The following WWOX variants were observed in gnomAD, a reference collection of about 807,000 sequenced individuals.
WWOX encodes the protein WW domain containing oxidoreductase, also known as WW domain-containing oxidoreductase.
A neutral mutation model predicts 46.2 loss-of-function variants in WWOX; 69 were observed. The observed-to-expected ratio is 1.49, with a 90% CI of 1.23 to 1.82. The LOEUF (loss-of-function observed/expected upper bound fraction) is 1.82. WWOX is among the 40% of genes most tolerant of loss of function. The probability of loss-of-function intolerance (pLI) is 0.00; values close to 1 mark genes in which losing one functional copy is unlikely to be tolerated. For synonymous variants in WWOX, 359 were observed against 202.6 expected, an observed-to-expected ratio of 1.77 and a Z score of -6.56; for missense variants, 919 against 542.6, an observed-to-expected ratio of 1.69 and a Z score of -6.89.
chr16:78,333,653 C>G (rs1018061225), intron 5 of WWOX, among the ~76,000 whole-genome samples: 7 of 152,000 alleles, frequency 4.6e-5, no homozygotes, highest in Non-Finnish European at 8.8e-5. Flanking sequence ...CATTAAGTCT[C>G]CAGAATACAT....
chr16:78,925,161 C>T (rs1597158371), intron 8 of WWOX, among the ~76,000 whole-genome samples: 1 of 152,168 alleles, frequency 6.6e-6, no homozygotes, highest in Non-Finnish European at 1.5e-5. Flanking sequence ...TGCCACTGCA[C>T]TCCAGACTGC....
rs72806803 is a variant in WWOX at position 78,181,648 on chromosome 16, G to A, written c.516+17359G>A. 1.6e-3 allele frequency among the ~76,000 whole-genome samples: 236 copies of A among 152,148 alleles called. 2 individuals carry two copies. Among genetic ancestry groups the A allele is most frequent in the Non-Finnish European group, 3.1e-3 (211 of 67,976 alleles). ...TTGACGAAATTTTCTAATTGACTGG[G>A]GTTACTTAATACCAGATAATATTTT... On this transcript the variant is annotated intron_variant, in intron 5 of 8. Coordinates refer to ENST00000566780, the MANE Select transcript of WWOX (RefSeq NM_016373.4).
rs1452297714 is a variant in WWOX, at chr16:78,843,600, A to T, written c.1057-368008A>T. On this transcript the variant is annotated intron_variant, in intron 8 of 8. Coordinates refer to ENST00000566780, the MANE Select transcript of WWOX (RefSeq NM_016373.4). The stretch of plus-strand genomic sequence containing the variant: ...AGGGGTCCGGTGTAAAGGAGGAAAT[A>T]AAAATAAAAAAGCATAAATGAATGA... Among the ~76,000 whole-genome samples, 4 of 151,230 alleles carry T rather than the reference A, an allele frequency of 2.6e-5. 1 individual carries two copies. The East Asian group carries it at 7.8e-4, about 29-fold the overall frequency.
chr16:79,189,943 G>T (rs1012462517), intron 8 of WWOX, among the ~76,000 whole-genome samples: 10 of 145,570 alleles, frequency 6.9e-5, no homozygotes, highest in South Asian at 2.3e-4. Flanking sequence ...AAGGGGGGGG[G>T]GATAAAGATA....
At chr16:78,848,817 T>A (rs13332517) in intron 8 of WWOX, among the ~76,000 whole-genome samples, 3,707 of 151,482 alleles carry the variant, frequency 0.024, 150 homozygotes, top group African/African-American at 0.086. Context: ...TTTAACCTCC[T>A]CTGAGATTTT....
chr16:78,480,135 C>G (rs914349676), intron 8 of WWOX, among the ~76,000 whole-genome samples: 4 of 152,160 alleles, frequency 2.6e-5, no homozygotes, highest in Admixed American at 6.5e-5. Flanking sequence ...CCACGTGTGA[C>G]TATTAAAATG....
intron 6 of WWOX, among the ~76,000 whole-genome samples, chr16:78,392,525 C>T (rs145749299): frequency 4.0e-4 from 61 of 152,212 alleles, no homozygotes; most frequent in African/African-American, 1.4e-3. Flanking sequence ...CACCCCCACT[C>T]CTTTGAGTCT....
intron 5 of WWOX, among the ~76,000 whole-genome samples, chr16:78,321,132 A>C (rs1220089272): frequency 6.6e-6 from 1 of 151,968 alleles, no homozygotes; most frequent in Non-Finnish European, 1.5e-5. Context: ...TGGGTACATA[A>C]AATTTCTGTT....
intron 8 of WWOX, among the ~76,000 whole-genome samples, chr16:78,830,101 T>C (rs61185547): frequency 0.22 from 33,884 of 151,756 alleles, 3,828 homozygotes; most frequent in Admixed American, 0.27. Flanking sequence ...CCCTCATCTC[T>C]ATAAAAAATT....
intron 8 of WWOX, among the ~76,000 whole-genome samples, chr16:78,433,696 C>G (rs73572844): frequency 6.6e-6 from 1 of 151,688 alleles, no homozygotes; most frequent in East Asian, 1.9e-4. Flanking sequence ...TCCAGCTGAT[C>G]TCACGACCTT....
intron 8 of WWOX, among the ~76,000 whole-genome samples, chr16:79,027,548 C>G (rs1397054604): frequency 6.6e-6 from 1 of 151,670 alleles, no homozygotes; most frequent in Non-Finnish European, 1.5e-5. Flanking sequence ...TTCTGGAGAG[C>G]CTTTGATTAT....
chr16:78,528,187 T>TG (rs1555555261), intron 8 of WWOX, among the ~76,000 whole-genome samples: 57 of 131,610 alleles, frequency 4.3e-4, no homozygotes, highest in African/African-American at 1.4e-3. Flanking sequence ...TTTTTTTTTT[T>TG]GCATTTTTAG....
chr16:79,007,519 G>A (rs1260804190), intron 8 of WWOX, among the ~76,000 whole-genome samples: 3 of 152,188 alleles, frequency 2.0e-5, no homozygotes, highest in Non-Finnish European at 4.4e-5. Context: ...GCCTTGTAGG[G>A]CAAGCTGGAT....
intron 8 of WWOX, among the ~76,000 whole-genome samples, chr16:78,435,224 C>G (rs564966864): frequency 1.3e-5 from 2 of 152,170 alleles, no homozygotes; most frequent in African/African-American, 2.4e-5. Flanking sequence ...ATGAATTGGA[C>G]GAAGGTTGCA....
chr16:78,634,827 AGAGAGAGAGAGTGTGTGT>A (rs1324622609), intron 8 of WWOX, among the ~76,000 whole-genome samples: 1 of 110,444 alleles, frequency 9.1e-6, no homozygotes, highest in Non-Finnish European at 1.9e-5. Context: ...AGAGAGAGAG[AGAGAGAGAGAGTGTGTGT>A]GTGTGTGTGT....
At chr16:78,962,356 G>T (rs1005569813) in intron 8 of WWOX, among the ~76,000 whole-genome samples, 1 of 118,976 alleles carries the variant, frequency 8.4e-6, no homozygotes, top group Non-Finnish European at 1.6e-5. Context: ...GAATGTGATT[G>T]TGAAGGAAGC....
intron 8 of WWOX, among the ~76,000 whole-genome samples, chr16:78,731,005 C>T (rs1442334442): frequency 1.3e-5 from 2 of 152,048 alleles, no homozygotes; most frequent in Non-Finnish European, 2.9e-5. Flanking sequence ...ACTGCAGAGC[C>T]ATTGATATTG....
At chr16:78,422,449 A>G (rs973081047) in intron 6 of WWOX, among the ~76,000 whole-genome samples, 43 of 150,940 alleles carry the variant, frequency 2.8e-4, no homozygotes, top group African/African-American at 9.7e-4. Flanking sequence ...GGCTCAAGTA[A>G]TCCTCCTATC....
intron 4 of WWOX, among the ~76,000 whole-genome samples, chr16:78,131,009 C>T (rs769930372): frequency 2.0e-4 from 30 of 152,180 alleles, no homozygotes; most frequent in African/African-American, 7.0e-4. Flanking sequence ...ACTTGTATAG[C>T]ATGGTACCGA....
Sources: gnomAD v4.1 joint callset for allele counts (sites outside exome capture counted in the v4.1 genomes callset) on GRCh38, gnomAD v4.1.1 for gene constraint, MANE v1.5 for transcripts, NCBI Gene and HGNC (gene_info 2026-07-23, HGNC 2026-07-21) for gene names.